The following SSBP2 variants were observed in gnomAD, a reference collection of about 807,000 sequenced individuals.
SSBP2 encodes the protein single-stranded DNA-binding protein 2.
SSBP2 carries 17 observed loss-of-function variants against 61.8 expected under a neutral mutation model. That is an observed-to-expected ratio of 0.28 (90% confidence interval 0.19 to 0.41). The LOEUF (loss-of-function observed/expected upper bound fraction) is 0.41. Ranked by LOEUF, SSBP2 falls within the 10% of genes least tolerant of loss-of-function variation. The probability of loss-of-function intolerance (pLI) is 1.00; values close to 1 mark genes in which losing one functional copy is unlikely to be tolerated. For missense variants in SSBP2, 310 were observed against 458.7 expected, an observed-to-expected ratio of 0.68 and a Z score of 2.96; for synonymous variants, 139 against 141.3, an observed-to-expected ratio of 0.98 and a Z score of 0.12.
intron 1 of SSBP2, among the ~76,000 whole-genome samples, chr5:81,685,577 C>T (rs57778735): frequency 0.079 from 11,992 of 152,070 alleles, 1,092 homozygotes; most frequent in African/African-American, 0.23. Flanking sequence ...CTTATAGAAC[C>T]AGAGAAGGGG....
intron 6 of SSBP2, 32 bp downstream of exon 6, chr5:81,489,218 T>A (rs375731831): frequency 2.3e-5 from 36 of 1,559,120 alleles, no homozygotes; most frequent in Non-Finnish European, 3.2e-5. Context: ...CTTTGATTCT[T>A]ACAAAAAACT....
At chr5:81,723,800 G>C (rs1032296299) in intron 1 of SSBP2, among the ~76,000 whole-genome samples, 2 of 151,904 alleles carry the variant, frequency 1.3e-5, no homozygotes, top group Admixed American at 1.3e-4. Context: ...TCATTACCAA[G>C]ACATAGCAAC....
At chr5:81,451,092 G>A (rs924637701) in intron 10 of SSBP2, among the ~76,000 whole-genome samples, 1 of 152,200 alleles carries the variant, frequency 6.6e-6, no homozygotes, top group Admixed American at 6.5e-5. Flanking sequence ...AGTTACTGTG[G>A]TGTAAATATT....
intron 4 of SSBP2, among the ~76,000 whole-genome samples, chr5:81,521,842 A>T (rs1769512690): frequency 6.6e-6 from 1 of 151,964 alleles, no homozygotes; most frequent in Non-Finnish European, 1.5e-5. Flanking sequence ...CATTTTTTGC[A>T]AATGTTATTA....
chr5:81,428,250 C>T (rs1163283353), intron 16 of SSBP2, among the ~76,000 whole-genome samples: 1 of 152,140 alleles, frequency 6.6e-6, no homozygotes, highest in Non-Finnish European at 1.5e-5. Context: ...CACTGAAACA[C>T]ACCTAGTTTT....
chr5:81,750,938 G>A (rs371131624), intron 1 of SSBP2, 43 bp downstream of exon 1: 53 of 1,558,508 alleles, frequency 3.4e-5, no homozygotes, highest in Non-Finnish European at 4.5e-5. Context: ...GTGAGTGTGC[G>A]CGCGTGTGAA....
At chr5:81,626,770 T>G (rs571064218) in intron 3 of SSBP2, among the ~76,000 whole-genome samples, 1 of 152,246 alleles carries the variant, frequency 6.6e-6, no homozygotes, top group African/African-American at 2.4e-5. Context: ...TTGAGTCCCA[T>G]TTATATACAC....
At chr5:81,423,962 A>G (rs1207446601) in intron 16 of SSBP2, among the ~76,000 whole-genome samples, 1 of 152,132 alleles carries the variant, frequency 6.6e-6, no homozygotes, top group Non-Finnish European at 1.5e-5. Context: ...GATATTTCAA[A>G]TGTTTTAAGT....
intron 1 of SSBP2, among the ~76,000 whole-genome samples, chr5:81,727,171 A>T (rs2153983557): frequency 6.6e-6 from 1 of 152,342 alleles, no homozygotes; most frequent in South Asian, 2.1e-4. Flanking sequence ...GGCAAATATC[A>T]ACAAACCTTT....
chr5:81,517,989 T>A (rs938923130), intron 4 of SSBP2, among the ~76,000 whole-genome samples: 1 of 152,056 alleles, frequency 6.6e-6, no homozygotes, highest in Non-Finnish European at 1.5e-5. Flanking sequence ...AGGATGCAAT[T>A]TATTACTAAA....
At chr5:81,695,696 T>A (rs1358855822) in intron 1 of SSBP2, among the ~76,000 whole-genome samples, 1 of 152,158 alleles carries the variant, frequency 6.6e-6, no homozygotes, top group East Asian at 1.9e-4. Flanking sequence ...CATTTTTCTA[T>A]ATTTGCTTGT....
In SSBP2 at chr5:81,474,477, T is replaced by C; in HGVS notation, c.499+19A>G. On this transcript the variant is annotated intron_variant, in intron 7 of 16. Transcript: ENST00000320672. Reference sequence around the variant, plus strand: ...TATGGTTCTGCACATCAATTTTCCTTTTACTTTAGAGTAGTCACCTTGTTG... The same window carrying C: ...TATGGTTCTGCACATCAATTTTCCTCTTACTTTAGAGTAGTCACCTTGTTG... The C allele has an allele frequency of 6.2e-7, 1 of 1,610,076 alleles. No homozygotes were observed. The highest frequency in any genetic ancestry group is 1.1e-5 in the South Asian group (1 of 90,866).
chr5:81,531,660 G>A (rs1770416181), intron 4 of SSBP2, among the ~76,000 whole-genome samples: 1 of 152,100 alleles, frequency 6.6e-6, no homozygotes, highest in African/African-American at 2.4e-5. Flanking sequence ...GGAAATGGCT[G>A]TAGACCAATC....
chr5:81,687,235 C>T (rs755947179), intron 1 of SSBP2, among the ~76,000 whole-genome samples: 1 of 152,226 alleles, frequency 6.6e-6, no homozygotes, highest in Non-Finnish European at 1.5e-5. Context: ...GAACTCAGTG[C>T]TGCATGTCAC....
chr5:81,680,693 G>A (rs1208527854), intron 1 of SSBP2, among the ~76,000 whole-genome samples: 2 of 152,106 alleles, frequency 1.3e-5, no homozygotes, highest in Admixed American at 6.6e-5. Context: ...AATGGTAAAG[G>A]GGTCACTACT....
intron 4 of SSBP2, among the ~76,000 whole-genome samples, chr5:81,533,760 C>T (rs1223185086): frequency 2.6e-5 from 4 of 152,072 alleles, no homozygotes; most frequent in Admixed American, 2.0e-4. Flanking sequence ...GGAACCAGTG[C>T]TAGGTTAGGA....
Position 81,547,036 on chromosome 5 carries a change from C to CAAAAA in SSBP2, c.283-33324_283-33320dup, listed in dbSNP as rs61254614. 3.6e-3 allele frequency among the ~76,000 whole-genome samples: 195 copies of CAAAAA among 53,836 alleles called. 24 individuals carry two copies. Among genetic ancestry groups the CAAAAA allele is most frequent in the African/African-American group, 0.019 (143 of 7,364 alleles). The allele number at this position is 53,836 out of a possible 152,430, so 35.3% of individuals were successfully genotyped here. ...TTTATAGTAAAGGGCAAATCTTGGCCAAAAAAAAAAAAAAAAAAAAAGTCT... is the reference window on the plus strand; with the variant it reads ...TTTATAGTAAAGGGCAAATCTTGGCCAAAAAAAAAAAAAAAAAAAAAAAAAAGTCT... On this transcript the variant is annotated intron_variant, in intron 4 of 16. Coordinates refer to ENST00000320672, the MANE Select transcript of SSBP2 (RefSeq NM_012446.5).
chr5:81,542,550 T>C (rs1008929308), intron 4 of SSBP2, among the ~76,000 whole-genome samples: 21 of 151,968 alleles, frequency 1.4e-4, no homozygotes, highest in African/African-American at 5.1e-4. Context: ...AATAGATGCA[T>C]AGTATTCCAT....
At chr5:81,566,841 G>C (rs1185193261) in intron 4 of SSBP2, among the ~76,000 whole-genome samples, 3 of 152,174 alleles carry the variant, frequency 2.0e-5, no homozygotes, top group Non-Finnish European at 4.4e-5. Context: ...CTGGAGCAAA[G>C]GTGACTCTTT....
Sources: gnomAD v4.1 joint callset for allele counts (sites outside exome capture counted in the v4.1 genomes callset) on GRCh38, gnomAD v4.1.1 for gene constraint, MANE v1.5 for transcripts, NCBI Gene and HGNC (gene_info 2026-07-23, HGNC 2026-07-21) for gene names.